ZFP36: variants seen among roughly 807,000 people sequenced by gnomAD.
ZFP36 encodes mRNA decay activator protein ZFP36.
Under a neutral mutation model 19.8 loss-of-function variants are expected in ZFP36, and 13 were observed. The observed-to-expected ratio is 0.66, with a 90% CI of 0.43 to 1.04. ZFP36 has a LOEUF of 1.04. ZFP36 is among the 50% of genes least tolerant of loss of function. The pLI, the probability that ZFP36 is intolerant of heterozygous loss-of-function variation, is 0.00. For missense variants in ZFP36, 354 were observed against 441.6 expected (o/e 0.80, Z 1.78); for synonymous variants, 191 against 194.5 (o/e 0.98, Z 0.15).
Position 39,408,079 on chromosome 19 carries a change from G to A in ZFP36, c.361G>A (p.Gly121Arg). 1 of 1,613,952 alleles carries A rather than the reference G, an allele frequency of 6.2e-7. No individual in the cohort carries two copies. Among genetic ancestry groups the A allele is most frequent in the Non-Finnish European group, 8.5e-7 (1 of 1,180,020 alleles). ...TFSESGRCRY[G>R]AKCQFAHGLG... Reference sequence around the variant, plus strand: ...CTCAGAGAGTGGGCGCTGCCGCTACGGGGCCAAGTGCCAGTTTGCCCATGG... The same window carrying A: ...CTCAGAGAGTGGGCGCTGCCGCTACAGGGCCAAGTGCCAGTTTGCCCATGG... The change falls in exon 2 of 2, where the codon GGG becomes AGG. Residue 121 changes from glycine (G) to arginine (R), a missense_variant. Transcript: ENST00000597629. This position sits in a 1 kb window ranked among gnomAD's most constrained non-coding sequence, Gnocchi z 6.0.
rs765183967 is a variant in ZFP36 at position 39,406,893 on chromosome 19, A to G, written c.-12A>G. 3 of 1,606,460 alleles carry G rather than the reference A, an allele frequency of 1.9e-6. No individual in the cohort carries two copies. The Admixed American group carries it at 5.0e-5, about 27-fold the overall frequency. On this transcript the variant is annotated 5_prime_UTR_variant, in exon 1 of 2. Transcript: ENST00000597629. ...CTCTCGGCCGACACCCCTCATGGCC[A>G]ACCGTTACACCATGGATCTGACTGC...
Position 39,407,800 on chromosome 19 carries a change from T to C in ZFP36, c.82T>C (p.Ser28Pro). ...GCCATCCGACCATGGAGGGACTGAG[T>C]CCAGCCCAGGCTGGGGCTCCTCGGG... The part of the protein sequence containing the change: ...PVPSDHGGTE[S>P]SPGWGSSGPW... The change falls in exon 2 of 2, where the codon TCC (serine) becomes CCC (proline). Residue 28 changes from serine to proline, a missense_variant. By Grantham distance (74) the Ser-to-Pro change is moderately conservative (BLOSUM62 -1). Coordinates refer to ENST00000597629, the MANE Select transcript of ZFP36 (RefSeq NM_003407.5). This position sits in a 1 kb window ranked among gnomAD's most constrained non-coding sequence, Gnocchi z 7.6. The C allele has an allele frequency of 6.3e-7, 1 of 1,590,548 alleles. No individual in the cohort carries two copies. The highest frequency in any genetic ancestry group is 8.5e-7 in the Non-Finnish European group (1 of 1,170,978).
rs1419265946 is a variant in ZFP36 at position 39,407,400 on chromosome 19, G to T, written c.25-343G>T. 2 of 409,582 alleles carry T rather than the reference G, an allele frequency of 4.9e-6. No individual in the cohort carries two copies. Among genetic ancestry groups the T allele is most frequent in the Non-Finnish European group, 8.6e-6 (2 of 231,868 alleles). 25.4% of individuals were successfully genotyped at this position (409,582 alleles called of 1,614,324 possible). ...CGGACTTCCAGGTCAACTTTGCCCG[G>T]TTTCTCCAGTTGTGAAACTGGAGAT... On this transcript the variant is annotated intron_variant, in intron 1 of 1. Transcript: ENST00000597629. This position sits in a 1 kb window ranked among gnomAD's most constrained non-coding sequence, Gnocchi z 7.6.
rs2078483124 is a variant in ZFP36 at position 39,407,552 on chromosome 19, A to G, written c.25-191A>G. On this transcript the variant is annotated intron_variant, in intron 1 of 1. Coordinates refer to ENST00000597629, the MANE Select transcript of ZFP36 (RefSeq NM_003407.5). This position sits in a 1 kb window ranked among gnomAD's most constrained non-coding sequence, Gnocchi z 7.6. ...CCGGGATTCCTGGGTCCCTCGGGAT[A>G]AGGCCTCGGTGGTGGGTAAACTCAG... 1 of 536,752 alleles carries G rather than the reference A, an allele frequency of 1.9e-6. No homozygotes were observed. Among genetic ancestry groups the G allele is most frequent in the African/African-American group, 1.9e-5 (1 of 51,870 alleles). 33.2% of individuals were successfully genotyped at this position (536,752 alleles called of 1,614,324 possible).
Position 39,408,935 on chromosome 19 carries a change from A to G in ZFP36, c.*236A>G, listed in dbSNP as rs1315682528. On this transcript the variant is annotated 3_prime_UTR_variant, in exon 2 of 2. Coordinates refer to ENST00000597629, the MANE Select transcript of ZFP36 (RefSeq NM_003407.5). This position sits in a 1 kb window ranked among gnomAD's most constrained non-coding sequence, Gnocchi z 6.0. ...GAGTGTCTTCCGAGGTTCTTGGGGG[A>G]AAAAAAATTGTAGCATATTTAAGGG... The G allele has an allele frequency of 1.3e-5, 5 of 399,094 alleles. No individual in the cohort carries two copies. Among genetic ancestry groups the G allele is most frequent in the East Asian group, 3.9e-5 (1 of 25,926 alleles). 24.7% of individuals were successfully genotyped at this position (399,094 alleles called of 1,614,324 possible). A position where few individuals can be genotyped will look rare whatever the true frequency, so the allele number is the denominator to read the frequency against.
Position 39,406,909 on chromosome 19 carries a change from A to T in ZFP36, c.5A>T (p.Asp2Val). MDLTAIYESLLS... is the reference protein window; with the variant it reads MVLTAIYESLLS... Reference sequence around the variant, plus strand: ...CTCATGGCCAACCGTTACACCATGGATCTGACTGCCATCTACGAGGTGAGT... The same window carrying T: ...CTCATGGCCAACCGTTACACCATGGTTCTGACTGCCATCTACGAGGTGAGT... Residue 2 changes from aspartate (D) to valine (V), a missense_variant, in exon 1 of 2, where the codon GAT becomes GTT. Coordinates refer to ENST00000597629, the MANE Select transcript of ZFP36 (RefSeq NM_003407.5). 1 of 1,611,696 alleles carries T rather than the reference A, an allele frequency of 6.2e-7. No individual in the cohort carries two copies. The highest frequency in any genetic ancestry group is 8.5e-7 in the Non-Finnish European group (1 of 1,179,446).
chr19:39,408,019 C>A lies in ZFP36; in HGVS notation c.301C>A (p.Pro101Thr). The change falls in exon 2 of 2, where the codon CCC (proline) becomes ACC (threonine). Residue 101 changes from proline (P) to threonine (T), a missense_variant. By Grantham distance (38) the Pro-to-Thr change is conservative. Transcript: ENST00000597629. The surrounding 1 kb of genome is among the most constrained non-coding windows in gnomAD (Gnocchi z 6.0). ...PTSPTATSTT[P>T]SRYKTELCRT... ...TTCGCCCACTGCAACCTCCACCACC[C>A]CCTCGCGCTACAAGACTGAGCTATG... The A allele has an allele frequency of 6.2e-7, 1 of 1,613,192 alleles. No individual in the cohort carries two copies. The highest frequency in any genetic ancestry group is 8.5e-7 in the Non-Finnish European group (1 of 1,179,978).
chr19:39,407,134 G>C lies in ZFP36; in HGVS notation c.24+206G>C, dbSNP rs1345710368. 2 of 571,324 alleles carry C rather than the reference G, an allele frequency of 3.5e-6. No homozygotes were observed. The highest frequency in any genetic ancestry group is 6.0e-6 in the Non-Finnish European group (2 of 332,758). 35.4% of individuals were successfully genotyped at this position (571,324 alleles called of 1,614,324 possible). A position where few individuals can be genotyped will look rare whatever the true frequency, so the allele number is the denominator to read the frequency against. Reference sequence around the variant, plus strand: ...GGTGAAAATGGAACCCGCGACACCCGGCTCTTCGCTCAAACATGGGTGGGG... The same window carrying C: ...GGTGAAAATGGAACCCGCGACACCCCGCTCTTCGCTCAAACATGGGTGGGG... On this transcript the variant is annotated intron_variant, in intron 1 of 1. Transcript: ENST00000597629. This position sits in a 1 kb window ranked among gnomAD's most constrained non-coding sequence, Gnocchi z 7.6.
rs1248301347 is a variant in ZFP36 at position 39,408,252 on chromosome 19, T to C, written c.534T>C (p.Pro178=). 1 of 1,613,662 alleles carries C rather than the reference T, an allele frequency of 6.2e-7. No individual in the cohort carries two copies. The highest frequency in any genetic ancestry group is 8.5e-7 in the Non-Finnish European group (1 of 1,179,946). ...PSEDLAAPGH[P]PVLRQSISFS... The stretch of plus-strand genomic sequence containing the variant: ...AAGACCTGGCGGCCCCGGGCCACCC[T>C]CCTGTGCTTCGCCAGAGCATCAGCT... Residue 178 remains proline (P), a synonymous_variant, in exon 2 of 2, where the codon CCT becomes CCC. Coordinates refer to ENST00000597629, the MANE Select transcript of ZFP36 (RefSeq NM_003407.5). The surrounding 1 kb of genome is among the most constrained non-coding windows in gnomAD (Gnocchi z 6.0).
In ZFP36 at chr19:39,407,241, AC is replaced by A; in HGVS notation, c.24+317del. The A allele has an allele frequency of 1.9e-6, 1 of 516,344 alleles. No individual in the cohort carries two copies. 32.0% of individuals were successfully genotyped at this position (516,344 alleles called of 1,614,324 possible). Reference sequence around the variant, plus strand: ...CGGAAGTGGCCCCCATACCTGGCTCACCCCTAGTCGTTGCTGAGGGCGTGGT... The same window carrying A: ...CGGAAGTGGCCCCCATACCTGGCTCACCCTAGTCGTTGCTGAGGGCGTGGT... On this transcript the variant is annotated intron_variant, in intron 1 of 1. Transcript: ENST00000597629. This position sits in a 1 kb window ranked among gnomAD's most constrained non-coding sequence, Gnocchi z 7.6.
Position 39,408,794 on chromosome 19 carries a change from T to TG in ZFP36, c.*100dup. ...CATGGACCCCAGGGCTGTGGGGACT[T>TG]GGGGGACAGTAATCAAGTAATCCCC... On this transcript the variant is annotated 3_prime_UTR_variant, in exon 2 of 2. Coordinates refer to ENST00000597629, the MANE Select transcript of ZFP36 (RefSeq NM_003407.5). This position sits in a 1 kb window ranked among gnomAD's most constrained non-coding sequence, Gnocchi z 6.0. 2.4e-6 allele frequency: 3 copies of TG among 1,238,884 alleles called. No individual in the cohort carries two copies. Among genetic ancestry groups the TG allele is most frequent in the Non-Finnish European group, 3.3e-6 (3 of 902,750 alleles). The allele number at this position is 1,238,884 out of a possible 1,614,324, so 76.7% of individuals were successfully genotyped here.
Position 39,408,919 on chromosome 19 carries a change from C to T in ZFP36, c.*220C>T. ...ATGATGGTGGGGGATGGAGTGTCTTCCGAGGTTCTTGGGGGAAAAAAAATT... is the reference window on the plus strand; with the variant it reads ...ATGATGGTGGGGGATGGAGTGTCTTTCGAGGTTCTTGGGGGAAAAAAAATT... On this transcript the variant is annotated 3_prime_UTR_variant, in exon 2 of 2. Transcript: ENST00000597629. The surrounding 1 kb of genome is among the most constrained non-coding windows in gnomAD (Gnocchi z 6.0). 2.3e-6 allele frequency: 1 copy of T among 439,712 alleles called. No individual in the cohort carries two copies. Among genetic ancestry groups the T allele is most frequent in the South Asian group, 6.1e-5 (1 of 16,276 alleles). 27.2% of individuals were successfully genotyped at this position (439,712 alleles called of 1,614,324 possible).
chr19:39,407,658 C>G lies in ZFP36; in HGVS notation c.25-85C>G. The G allele has an allele frequency of 3.0e-6, 4 of 1,318,350 alleles. No homozygotes were observed. The highest frequency in any genetic ancestry group is 3.0e-6 in the Non-Finnish European group (3 of 984,368). The allele number at this position is 1,318,350 out of a possible 1,614,324, so 81.7% of individuals were successfully genotyped here. ...GGGGCTCAGGCGGGGAGCCCACAAACCGGCCTGGCAAGCTCTAGTTCCCTG... is the reference window on the plus strand; with the variant it reads ...GGGGCTCAGGCGGGGAGCCCACAAAGCGGCCTGGCAAGCTCTAGTTCCCTG... On this transcript the variant is annotated intron_variant, in intron 1 of 1. Coordinates refer to ENST00000597629, the MANE Select transcript of ZFP36 (RefSeq NM_003407.5). This position sits in a 1 kb window ranked among gnomAD's most constrained non-coding sequence, Gnocchi z 7.6.
Position 39,407,837 on chromosome 19 carries a change from T to A in ZFP36, c.119T>A (p.Leu40Gln). 6.2e-7 allele frequency: 1 copy of A among 1,606,596 alleles called. No individual in the cohort carries two copies. Residue 40 changes from leucine to glutamine, a missense_variant, in exon 2 of 2, where the codon CTG (leucine) becomes CAG (glutamine). By Grantham distance (113) the Leu-to-Gln change is moderately radical (BLOSUM62 -2). Transcript: ENST00000597629. The surrounding 1 kb of genome is among the most constrained non-coding windows in gnomAD (Gnocchi z 7.6). Reference protein sequence around the residue: ...PGWGSSGPWSLSPSDSSPSGV... With the variant: ...PGWGSSGPWSQSPSDSSPSGV... ...TGGGGCTCCTCGGGACCCTGGAGCC[T>A]GAGCCCCTCCGACTCCAGCCCGTCT... is the stretch of plus-strand genomic sequence containing the variant.
rs1176179274 is a variant in ZFP36, at chr19:39,408,384, T to C, written c.666T>C (p.Pro222=). The change falls in exon 2 of 2, where the codon CCT becomes CCC. Residue 222 remains proline (P), a synonymous_variant. Coordinates refer to ENST00000597629, the MANE Select transcript of ZFP36 (RefSeq NM_003407.5). The surrounding 1 kb of genome is among the most constrained non-coding windows in gnomAD (Gnocchi z 6.0). ...SFSPSSSPPP[P]GDLPLSPSAF... ...CGCCCTCCAGCTCCCCACCACCACCTGGGGACCTTCCACTGTCACCCTCTG... is the reference window on the plus strand; with the variant it reads ...CGCCCTCCAGCTCCCCACCACCACCCGGGGACCTTCCACTGTCACCCTCTG... The C allele has an allele frequency of 6.2e-7, 1 of 1,613,484 alleles. No homozygotes were observed. Among genetic ancestry groups the C allele is most frequent in the Admixed American group, 1.7e-5 (1 of 60,016 alleles).
rs1162319535 is a variant in ZFP36, at chr19:39,407,289, G to A, written c.24+361G>A. On this transcript the variant is annotated intron_variant, in intron 1 of 1. Coordinates refer to ENST00000597629, the MANE Select transcript of ZFP36 (RefSeq NM_003407.5). The surrounding 1 kb of genome is among the most constrained non-coding windows in gnomAD (Gnocchi z 7.6). ...TGGTTTTGCGCGGAGGCGTCTCTGG[G>A]GCTGAAGTCTCAGGGTGGGGGGATC... is the stretch of plus-strand genomic sequence containing the variant. 2.2e-6 allele frequency: 1 copy of A among 462,468 alleles called. No individual in the cohort carries two copies. Among genetic ancestry groups the A allele is most frequent in the Non-Finnish European group, 3.8e-6 (1 of 263,524 alleles). The allele number at this position is 462,468 out of a possible 1,614,324, so 28.6% of individuals were successfully genotyped here. A position where few individuals can be genotyped will look rare whatever the true frequency, so the allele number is the denominator to read the frequency against.
Position 39,407,228 on chromosome 19 carries a change from C to T in ZFP36, c.24+300C>T, listed in dbSNP as rs1194028783. 6 of 535,752 alleles carry T rather than the reference C, an allele frequency of 1.1e-5. No homozygotes were observed. Among genetic ancestry groups the T allele is most frequent in the Non-Finnish European group, 2.0e-5 (6 of 303,994 alleles). The allele number at this position is 535,752 out of a possible 1,614,324, so 33.2% of individuals were successfully genotyped here. A position where few individuals can be genotyped will look rare whatever the true frequency, so the allele number is the denominator to read the frequency against. On this transcript the variant is annotated intron_variant, in intron 1 of 1. Coordinates refer to ENST00000597629, the MANE Select transcript of ZFP36 (RefSeq NM_003407.5). The surrounding 1 kb of genome is among the most constrained non-coding windows in gnomAD (Gnocchi z 7.6). ...GGCTGCCTGGAGGCGGAAGTGGCCC[C>T]CATACCTGGCTCACCCCTAGTCGTT...
In ZFP36 at chr19:39,408,840, C is replaced by T. The variant is rs1031091454; in HGVS notation, c.*141C>T. The stretch of plus-strand genomic sequence containing the variant: ...TCCCCTTTTCCAGAATGCATTAACC[C>T]ACTCCCCTGACCTCACGCTGGGGCA... On this transcript the variant is annotated 3_prime_UTR_variant, in exon 2 of 2. Transcript: ENST00000597629. The surrounding 1 kb of genome is among the most constrained non-coding windows in gnomAD (Gnocchi z 6.0). The T allele has an allele frequency of 2.4e-6, 2 of 842,032 alleles. No individual in the cohort carries two copies. The highest frequency in any genetic ancestry group is 3.5e-6 in the Non-Finnish European group (2 of 565,168). The allele number at this position is 842,032 out of a possible 1,614,324, so 52.2% of individuals were successfully genotyped here.
Position 39,408,800 on chromosome 19 carries a change from ACAGTAAT to A in ZFP36, c.*104_*110del. 1 of 1,199,558 alleles carries A rather than the reference ACAGTAAT, an allele frequency of 8.3e-7. No individual in the cohort carries two copies. Among genetic ancestry groups the A allele is most frequent in the Non-Finnish European group, 1.2e-6 (1 of 868,802 alleles). 74.3% of individuals were successfully genotyped at this position (1,199,558 alleles called of 1,614,324 possible). A position where few individuals can be genotyped will look rare whatever the true frequency, so the allele number is the denominator to read the frequency against. On this transcript the variant is annotated 3_prime_UTR_variant, in exon 2 of 2. Transcript: ENST00000597629. This position sits in a 1 kb window ranked among gnomAD's most constrained non-coding sequence, Gnocchi z 6.0. ...CCCCAGGGCTGTGGGGACTTGGGGGACAGTAATCAAGTAATCCCCTTTTCCAGAATGC... is the reference window on the plus strand; with the variant it reads ...CCCCAGGGCTGTGGGGACTTGGGGGACAAGTAATCCCCTTTTCCAGAATGC...
Sources: allele counts gnomAD v4.1 joint callset, GRCh38; gene constraint gnomAD v4.1.1; non-coding constraint Gnocchi (gnomAD v3.1); transcripts MANE v1.5; gene names NCBI Gene and HGNC (gene_info 2026-07-23, HGNC 2026-07-21).